The following C18orf54 variants were observed in gnomAD, a reference collection of about 807,000 sequenced individuals.
C18orf54 encodes the protein chromosome 18 open reading frame 54.
In C18orf54, 49 loss-of-function variants were observed where a neutral mutation model predicts 49.3. That is an observed-to-expected ratio of 0.99 (90% CI 0.79 to 1.26). The LOEUF (loss-of-function observed/expected upper bound fraction) is 1.26, where lower values mean the gene tolerates loss of function less well. C18orf54 is among the 50% of genes most tolerant of loss of function. The probability of loss-of-function intolerance (pLI) is 0.00; values close to 1 mark genes in which losing one functional copy is unlikely to be tolerated. For missense variants in C18orf54, 687 were observed against 620.6 expected (o/e 1.11, Z -1.14); for synonymous variants, 211 against 216.6 (o/e 0.97, Z 0.23).
chr18:54,374,294 C>G lies in C18orf54; in HGVS notation c.1529+10C>G. ...CTAGGTCACTTCAGAAGTAAGTATT[C>G]TTTACTAATATGGATACAAATCCAT... On this transcript the variant is annotated intron_variant, in intron 8 of 8. Coordinates refer to ENST00000620105, the MANE Select transcript of C18orf54 (RefSeq NM_001288980.2). The G allele has an allele frequency of 6.4e-7, 1 of 1,562,368 alleles. No individual in the cohort carries two copies. Among genetic ancestry groups the G allele is most frequent in the South Asian group, 1.2e-5 (1 of 81,964 alleles).
At chr18:54,367,209 T>C (rs2089402742) in intron 6 of C18orf54, among the ~76,000 whole-genome samples, 1 of 152,162 alleles carries the variant, frequency 6.6e-6, no homozygotes, top group Admixed American at 6.5e-5. Flanking sequence ...TTTACTGTAC[T>C]CTGGTCATTT....
intron 5 of C18orf54, chr18:54,364,001 G>GA (rs1160712083): frequency 2.0e-5 from 3 of 152,064 alleles, no homozygotes; most frequent in African/African-American, 7.2e-5. Flanking sequence ...AATTTGACTA[G>GA]AAAATGAAAA....
chr18:54,362,396 C>T lies in C18orf54; in HGVS notation c.1037C>T (p.Pro346Leu). Residue 346 changes from proline to leucine, a missense_variant, in exon 4 of 9, where the codon CCA (proline) becomes CTA (leucine). Transcript: ENST00000620105. ...FEHSQCQCEN[P>L]LLPGQSTKPF... Reference sequence around the variant, plus strand: ...CATAGCCAGTGTCAATGTGAGAATCCACTTCTCCCAGGACAATCCACAAAG... The same window carrying T: ...CATAGCCAGTGTCAATGTGAGAATCTACTTCTCCCAGGACAATCCACAAAG... 1 of 1,531,334 alleles carries T rather than the reference C, an allele frequency of 6.5e-7. No homozygotes were observed. The highest frequency in any genetic ancestry group is 8.7e-7 in the Non-Finnish European group (1 of 1,144,044). The allele number at this position is 1,531,334 out of a possible 1,614,324, so 94.9% of individuals were successfully genotyped here.
chr18:54,360,577 C>A lies in C18orf54; in HGVS notation c.5C>A (p.Ala2Glu). Reference sequence around the variant, plus strand: ...ACAATCCACTTTGAAGAAGCCATGGCGAAATCAAAGACAAAACATAGACTT... The same window carrying A: ...ACAATCCACTTTGAAGAAGCCATGGAGAAATCAAAGACAAAACATAGACTT... M[A>E]KSKTKHRLCS... Residue 2 changes from alanine to glutamate, a missense_variant, in exon 3 of 9, where the codon GCG (alanine) becomes GAG (glutamate). Ala to Glu is a moderately radical substitution (Grantham distance 107, BLOSUM62 -1). Transcript: ENST00000620105. 6.2e-7 allele frequency: 1 copy of A among 1,613,276 alleles called. No individual in the cohort carries two copies.
At chr18:54,376,836 A>C (rs1261767637) in intron 8 of C18orf54, among the ~76,000 whole-genome samples, 1 of 152,196 alleles carries the variant, frequency 6.6e-6, no homozygotes, top group Non-Finnish European at 1.5e-5. Context: ...CATGCAGTAA[A>C]TAATGCTACT....
chr18:54,368,823 C>CT (rs1436612053), intron 6 of C18orf54, among the ~76,000 whole-genome samples: 2 of 152,042 alleles, frequency 1.3e-5, no homozygotes, highest in Non-Finnish European at 2.9e-5. Context: ...TAATGAAAAA[C>CT]TATCTTTATA....
intron 8 of C18orf54, among the ~76,000 whole-genome samples, 173 bp from the exon 9 acceptor site, chr18:54,378,001 C>T (rs1051401004): frequency 6.6e-6 from 1 of 152,112 alleles, no homozygotes; most frequent in East Asian, 1.9e-4. Flanking sequence ...TTTTAACCCT[C>T]AATTATTCAG....
At chr18:54,376,241 G>A (rs2089567749) in intron 8 of C18orf54, among the ~76,000 whole-genome samples, 1 of 152,202 alleles carries the variant, frequency 6.6e-6, no homozygotes, top group African/African-American at 2.4e-5. Flanking sequence ...CTGTAAGCTA[G>A]TAGTCTGGCC....
At chr18:54,361,490 T>G (rs1277747616) in intron 3 of C18orf54, among the ~76,000 whole-genome samples, 153 bp from the exon 4 acceptor site, 1 of 152,220 alleles carries the variant, frequency 6.6e-6, no homozygotes, top group African/African-American at 2.4e-5. Context: ...ACATCCTGTT[T>G]TATCCACCTA....
At position 54,362,446 on chromosome 18, in the gene C18orf54, A is replaced by G; in HGVS notation, c.1072+15A>G. 1 of 1,464,162 alleles carries G rather than the reference A, an allele frequency of 6.8e-7. No homozygotes were observed. The highest frequency in any genetic ancestry group is 9.0e-7 in the Non-Finnish European group (1 of 1,115,548). 90.7% of individuals were successfully genotyped at this position (1,464,162 alleles called of 1,614,324 possible). ...GCCATTCAGTGGTAATACTTTGTTT[A>G]TTGCTTATAGTTATTTATTTTTCTT... is the stretch of plus-strand genomic sequence containing the variant. On this transcript the variant is annotated intron_variant, in intron 4 of 8. Coordinates refer to ENST00000620105, the MANE Select transcript of C18orf54 (RefSeq NM_001288980.2).
At chr18:54,368,833 A>G (rs1303400543) in intron 6 of C18orf54, among the ~76,000 whole-genome samples, 6 of 152,120 alleles carry the variant, frequency 3.9e-5, no homozygotes, top group Non-Finnish European at 8.8e-5. Context: ...CTATCTTTAT[A>G]TTTGTTTAGC....
intron 4 of C18orf54, 86 bp from the exon 5 acceptor site, chr18:54,362,685 C>A: frequency 8.3e-7 from 1 of 1,207,998 alleles, no homozygotes; most frequent in South Asian, 1.4e-5. Context: ...TCCAAATGAT[C>A]AGAACTCTTG....
rs1787822 is a variant in C18orf54 at position 54,357,949 on chromosome 18, T to G, written c.-270T>G. 1 of 152,374 alleles carries G rather than the reference T, an allele frequency of 6.6e-6. No individual in the cohort carries two copies. The highest frequency in any genetic ancestry group is 1.5e-5 in the Non-Finnish European group (1 of 68,174). The allele number at this position is 152,374 out of a possible 1,614,324, so 9.4% of individuals were successfully genotyped here. ...GAAAGCGAGCGCGGGTGTCGAGCTC[T>G]GCTGTGACTGCGGAGGAAGCTGCGA... On this transcript the variant is annotated 5_prime_UTR_variant, in exon 1 of 9. Coordinates refer to ENST00000620105, the MANE Select transcript of C18orf54 (RefSeq NM_001288980.2).
In C18orf54 at chr18:54,362,867, G is replaced by A. The variant is rs773816620; in HGVS notation, c.1169G>A (p.Cys390Tyr). Reference sequence around the variant, plus strand: ...TCCATGAAAAAGGATGACAGTCCTTGCTCATTAGATAAACTTGAAGCAGAC... The same window carrying A: ...TCCATGAAAAAGGATGACAGTCCTTACTCATTAGATAAACTTGAAGCAGAC... ...PKSMKKDDSP[C>Y]SLDKLEADRS... Residue 390 changes from cysteine to tyrosine, a missense_variant, in exon 5 of 9, where the codon TGC (cysteine) becomes TAC (tyrosine). Transcript: ENST00000620105. 1 of 1,612,176 alleles carries A rather than the reference G, an allele frequency of 6.2e-7. No homozygotes were observed. The highest frequency in any genetic ancestry group is 8.5e-7 in the Non-Finnish European group (1 of 1,179,484).
At chr18:54,370,871 A>T (rs1168812474) in intron 6 of C18orf54, among the ~76,000 whole-genome samples, 1 of 151,984 alleles carries the variant, frequency 6.6e-6, no homozygotes, top group African/African-American at 2.4e-5. Flanking sequence ...GATGCAGATC[A>T]TTTGGAGATT....
intron 6 of C18orf54, among the ~76,000 whole-genome samples, chr18:54,366,501 A>G (rs1056622767): frequency 2.0e-5 from 3 of 151,972 alleles, no homozygotes; most frequent in African/African-American, 7.2e-5. Flanking sequence ...TGTTGTCTAT[A>G]TATGTCACAT....
intron 2 of C18orf54, 105 bp from the exon 3 acceptor site, chr18:54,360,422 A>G: frequency 2.9e-6 from 2 of 688,106 alleles, no homozygotes; most frequent in South Asian, 4.4e-5. Context: ...TAGATAATGG[A>G]TTTTATTATT....
At chr18:54,364,082 T>C (rs2089328442) in intron 5 of C18orf54, 1 of 151,908 alleles carries the variant, frequency 6.6e-6, no homozygotes, top group South Asian at 2.1e-4. Context: ...GAATATTTTA[T>C]TTTCTTCTTT....
At chr18:54,377,124 C>T (rs549084778) in intron 8 of C18orf54, among the ~76,000 whole-genome samples, 23 of 152,242 alleles carry the variant, frequency 1.5e-4, no homozygotes, top group African/African-American at 4.3e-4. Flanking sequence ...CAGTCTCCAC[C>T]TCCTGGCAAG....
Sources: allele counts gnomAD v4.1 joint callset (sites outside exome capture counted in the v4.1 genomes callset), GRCh38; gene constraint gnomAD v4.1.1; transcripts MANE v1.5; gene names NCBI Gene and HGNC (gene_info 2026-07-23, HGNC 2026-07-21).